The following HSD17B4 variants were observed in gnomAD, a reference collection of about 807,000 sequenced individuals.
HSD17B4 encodes hydroxysteroid 17-beta dehydrogenase 4, also known as peroxisomal multifunctional enzyme type 2.
A neutral mutation model predicts 101.0 loss-of-function variants in HSD17B4; 70 were observed. The ratio of observed to expected loss-of-function variants is 0.69; its 90% CI spans 0.57 to 0.85. HSD17B4 has a LOEUF of 0.85. Among genes scored for constraint, HSD17B4 ranks in the 40% least tolerant of loss-of-function variants. The pLI, the probability that HSD17B4 is intolerant of heterozygous loss-of-function variation, is 0.00. For synonymous variants in HSD17B4, 347 were observed against 297.1 expected (o/e 1.17, Z -1.73); for missense variants, 984 against 892.4 (o/e 1.10, Z -1.31).
intron 1 of HSD17B4, among the ~76,000 whole-genome samples, chr5:119,456,057 T>A (rs1754607533): frequency 6.6e-6 from 1 of 152,144 alleles, no homozygotes; most frequent in African/African-American, 2.4e-5. Context: ...TGGAACCCAA[T>A]TCACAGCATC....
chr5:119,486,059 G>A (rs932579984), intron 8 of HSD17B4, among the ~76,000 whole-genome samples: 5 of 152,098 alleles, frequency 3.3e-5, no homozygotes, highest in African/African-American at 9.7e-5. Flanking sequence ...AGAGGCCTCC[G>A]TTCCTTCCTA....
intron 8 of HSD17B4, among the ~76,000 whole-genome samples, chr5:119,480,407 AG>A (rs1220697893): frequency 6.6e-6 from 1 of 152,148 alleles, no homozygotes; most frequent in East Asian, 1.9e-4. Context: ...TGTCCAGGGG[AG>A]ACATCACACA....
intron 11 of HSD17B4, among the ~76,000 whole-genome samples, chr5:119,494,555 A>C (rs1258408703): frequency 3.9e-5 from 6 of 152,046 alleles, no homozygotes; most frequent in Non-Finnish European, 8.8e-5. Flanking sequence ...GCTTCTTTAG[A>C]AAAACTCAAG....
chr5:119,475,919 C>A, intron 6 of HSD17B4, 49 bp downstream of exon 6: 1 of 1,341,662 alleles, frequency 7.5e-7, no homozygotes, highest in South Asian at 1.2e-5. Context: ...TCCATTTAGC[C>A]TTTTTAGTAT....
intron 2 of HSD17B4, among the ~76,000 whole-genome samples, chr5:119,457,067 A>G (rs1197192075): frequency 2.0e-5 from 3 of 152,204 alleles, no homozygotes; most frequent in African/African-American, 4.8e-5. Context: ...AAGATACTGT[A>G]TTGAAGAATC....
intron 8 of HSD17B4, among the ~76,000 whole-genome samples, chr5:119,484,893 CTT>C (rs1486015365): frequency 6.6e-6 from 1 of 152,088 alleles, no homozygotes; most frequent in Admixed American, 6.6e-5. Flanking sequence ...TTTAAAAACT[CTT>C]TATGTTCTCA....
chr5:119,474,326 C>T (rs1748357830), intron 3 of HSD17B4, 75 bp from the exon 4 acceptor site: 1 of 890,168 alleles, frequency 1.1e-6, no homozygotes, highest in Non-Finnish European at 1.9e-6. Context: ...TTGTCGTGTA[C>T]TCTGACCCAC....
chr5:119,492,983 T>C (rs1173149501), intron 10 of HSD17B4: 1 of 152,188 alleles, frequency 6.6e-6, no homozygotes, highest in Non-Finnish European at 1.5e-5. Flanking sequence ...ATGGTCATTT[T>C]CTCTAATTGT....
chr5:119,522,616 G>A (rs1360317809), intron 17 of HSD17B4, among the ~76,000 whole-genome samples: 2 of 152,120 alleles, frequency 1.3e-5, no homozygotes, highest in Non-Finnish European at 2.9e-5. Flanking sequence ...CTTTCTCTCT[G>A]TGTAGCAACA....
chr5:119,536,233 T>C, intron 22 of HSD17B4, 190 bp from the exon 23 acceptor site: 1 of 553,372 alleles, frequency 1.8e-6, no homozygotes, highest in South Asian at 2.0e-5. Context: ...AATTTCTGTA[T>C]TCTTGTATTT....
At chr5:119,528,409 T>C (rs1165646145) in intron 20 of HSD17B4, among the ~76,000 whole-genome samples, 1 of 152,190 alleles carries the variant, frequency 6.6e-6, no homozygotes, top group Non-Finnish European at 1.5e-5. Context: ...ATATTGTTTA[T>C]TTTACTTTTC....
chr5:119,539,564 C>T (rs186679939), intron 23 of HSD17B4, among the ~76,000 whole-genome samples: 1 of 150,928 alleles, frequency 6.6e-6, no homozygotes, highest in Non-Finnish European at 1.5e-5. Context: ...GCACATGTAC[C>T]CTAGAACTTA....
In HSD17B4 at chr5:119,542,090, G is replaced by GAA. The variant is rs1755047012; in HGVS notation, c.*96_*97insAA. On this transcript the variant is annotated 3_prime_UTR_variant, in exon 24 of 24. Coordinates refer to ENST00000510025, the MANE Select transcript of HSD17B4 (RefSeq NM_000414.4). ...CTGCAAAAGTGATTAGAACTAAGATGCAGGGGAAATTGCTTAACATTTTCA... is the reference window on the plus strand; with the variant it reads ...CTGCAAAAGTGATTAGAACTAAGATGAACAGGGGAAATTGCTTAACATTTTCA... The GAA allele has an allele frequency of 1.2e-6, 1 of 826,188 alleles. No individual in the cohort carries two copies. Among genetic ancestry groups the GAA allele is most frequent in the African/African-American group, 1.7e-5 (1 of 59,032 alleles). The allele number at this position is 826,188 out of a possible 1,614,324, so 51.2% of individuals were successfully genotyped here. A position where few individuals can be genotyped will look rare whatever the true frequency, so the allele number is the denominator to read the frequency against.
At chr5:119,481,685 A>G (rs1328681927) in intron 8 of HSD17B4, among the ~76,000 whole-genome samples, 2 of 152,178 alleles carry the variant, frequency 1.3e-5, no homozygotes, top group Non-Finnish European at 2.9e-5. Flanking sequence ...GTATGGATAA[A>G]TGGAGTGAGC....
At chr5:119,461,393 T>G (rs1755220920) in intron 2 of HSD17B4, among the ~76,000 whole-genome samples, 1 of 152,198 alleles carries the variant, frequency 6.6e-6, no homozygotes, top group African/African-American at 2.4e-5. Flanking sequence ...GAGCTACAAA[T>G]TATAATCATG....
chr5:119,525,299 A>G lies in HSD17B4; in HGVS notation c.1573+14A>G. The G allele has an allele frequency of 6.7e-7, 1 of 1,496,614 alleles. No individual in the cohort carries two copies. The highest frequency in any genetic ancestry group is 9.3e-7 in the Non-Finnish European group (1 of 1,073,604). The allele number at this position is 1,496,614 out of a possible 1,614,324, so 92.7% of individuals were successfully genotyped here. On this transcript the variant is annotated intron_variant, in intron 18 of 23. Transcript: ENST00000510025. ...CTAGTCTAGCAGGTGAGTTGTCTTTAATATGTATCAATGAAAAATATTAGC... is the reference window on the plus strand; with the variant it reads ...CTAGTCTAGCAGGTGAGTTGTCTTTGATATGTATCAATGAAAAATATTAGC...
At chr5:119,453,594 A>C (rs1388776332) in intron 1 of HSD17B4, among the ~76,000 whole-genome samples, 1 of 152,248 alleles carries the variant, frequency 6.6e-6, no homozygotes, top group Non-Finnish European at 1.5e-5. Context: ...GCCCTAATGC[A>C]TGAATTATTT....
chr5:119,466,952 T>G (rs1052949809), intron 2 of HSD17B4, among the ~76,000 whole-genome samples: 10 of 152,308 alleles, frequency 6.6e-5, no homozygotes, highest in African/African-American at 1.9e-4. Context: ...TTTGCTGTAT[T>G]TCATAGGCTT....
chr5:119,462,918 A>G (rs1179683498), intron 2 of HSD17B4, among the ~76,000 whole-genome samples: 1 of 152,130 alleles, frequency 6.6e-6, no homozygotes, highest in Non-Finnish European at 1.5e-5. Context: ...GGCCATAATC[A>G]CCCTAGAGTA....
Sources: gnomAD v4.1 joint callset for allele counts (sites outside exome capture counted in the v4.1 genomes callset) on GRCh38, gnomAD v4.1.1 for gene constraint, MANE v1.5 for transcripts, NCBI Gene and HGNC (gene_info 2026-07-23, HGNC 2026-07-21) for gene names.